Variants in ENTREP2 observed in about 807,000 individuals in gnomAD.
The protein encoded by ENTREP2 is endosomal transmembrane epsin interactor 2.
the ENTREP2 span, chr15:29,124,633 C>T: frequency 1.0e-5 from 15 of 1,474,458 alleles, no homozygotes; most frequent in African/African-American, 4.2e-5. Context: ...CACCAACACC[C>T]GCCCCACCTC....
the ENTREP2 span, among the ~76,000 whole-genome samples, chr15:29,628,343 G>A: frequency 1.3e-5 from 2 of 152,144 alleles, no homozygotes; most frequent in African/African-American, 4.8e-5. Context: ...TACTATTGTT[G>A]TTGAGTTGTA....
the ENTREP2 span, chr15:29,126,628 A>G: frequency 8.6e-6 from 6 of 695,080 alleles, no homozygotes; most frequent in Non-Finnish European, 1.5e-5. Flanking sequence ...AGATTGACAA[A>G]TGCTGCTTTA....
chr15:29,638,310 T>G, the ENTREP2 span, among the ~76,000 whole-genome samples: 2 of 152,164 alleles, frequency 1.3e-5, no homozygotes, highest in South Asian at 4.1e-4. Context: ...TGGTGGGGGT[T>G]TATCCTGAAC....
the ENTREP2 span, among the ~76,000 whole-genome samples, chr15:29,246,998 C>CACAT: frequency 6.6e-6 from 1 of 151,824 alleles, no homozygotes; most frequent in Non-Finnish European, 1.5e-5. Flanking sequence ...CACACACACA[C>CACAT]ACACACACAC....
chr15:29,671,867 C>T, the ENTREP2 span, among the ~76,000 whole-genome samples: 1 of 152,182 alleles, frequency 6.6e-6, no homozygotes. Context: ...GCCACAGTGT[C>T]CCCCAAGGAG....
At chr15:29,472,472 C>CACACACACAT in the ENTREP2 span, among the ~76,000 whole-genome samples, 5 of 120,690 alleles carry the variant, frequency 4.1e-5, no homozygotes, top group Middle Eastern at 3.4e-3. Flanking sequence ...CACACACACA[C>CACACACACAT]ATATAAATTT....
chr15:29,155,585 C>T, the ENTREP2 span, among the ~76,000 whole-genome samples: 5 of 152,214 alleles, frequency 3.3e-5, no homozygotes, highest in Admixed American at 6.5e-5. Context: ...CTCGATGGTG[C>T]TCTGTCCTAA....
At chr15:29,387,589 T>C in the ENTREP2 span, among the ~76,000 whole-genome samples, 1 of 152,174 alleles carries the variant, frequency 6.6e-6, no homozygotes, top group African/African-American at 2.4e-5. Flanking sequence ...AAGCTACCAA[T>C]GACTTTCTTC....
chr15:29,480,464 C>T, the ENTREP2 span, among the ~76,000 whole-genome samples: 359 of 151,554 alleles, frequency 2.4e-3, 1 homozygote, highest in African/African-American at 8.1e-3. Flanking sequence ...GTTCTTTGTT[C>T]CCTGCGTGGA....
the ENTREP2 span, among the ~76,000 whole-genome samples, chr15:29,469,872 A>G: frequency 6.6e-6 from 1 of 152,174 alleles, no homozygotes; most frequent in Non-Finnish European, 1.5e-5. Context: ...GACTCTGATT[A>G]AAGTTGTAAA....
chr15:29,569,088 A>G, the ENTREP2 span, among the ~76,000 whole-genome samples: 1 of 152,172 alleles, frequency 6.6e-6, no homozygotes, highest in South Asian at 2.1e-4. Context: ...AATAATGGTA[A>G]AAACTGAGCA....
the ENTREP2 span, among the ~76,000 whole-genome samples, chr15:29,403,481 T>C: frequency 6.6e-6 from 1 of 152,294 alleles, no homozygotes; most frequent in East Asian, 1.9e-4. Flanking sequence ...TCCATTAAAA[T>C]TGCATTATGT....
At chr15:29,132,514 C>A in the ENTREP2 span, among the ~76,000 whole-genome samples, 1 of 152,120 alleles carries the variant, frequency 6.6e-6, no homozygotes, top group Non-Finnish European at 1.5e-5. Flanking sequence ...AGCTGGGGGT[C>A]TCCGAGCCAA....
At chr15:29,180,242 T>A in the ENTREP2 span, among the ~76,000 whole-genome samples, 1 of 152,192 alleles carries the variant, frequency 6.6e-6, no homozygotes, top group African/African-American at 2.4e-5. Flanking sequence ...CAAAAAGATA[T>A]GTATGACTTA....
At chr15:29,223,655 C>T in the ENTREP2 span, among the ~76,000 whole-genome samples, 2 of 152,152 alleles carry the variant, frequency 1.3e-5, no homozygotes, top group Non-Finnish European at 2.9e-5. Flanking sequence ...ACACTAAAGC[C>T]CTGCTAAACA....
the ENTREP2 span, among the ~76,000 whole-genome samples, chr15:29,517,928 G>GT: frequency 5.3e-5 from 8 of 152,214 alleles, no homozygotes; most frequent in African/African-American, 1.9e-4. Context: ...TAGCTCTGAT[G>GT]TTTTGTACAT....
the ENTREP2 span, among the ~76,000 whole-genome samples, chr15:29,216,925 G>C: frequency 6.6e-6 from 1 of 152,250 alleles, no homozygotes; most frequent in South Asian, 2.1e-4. Context: ...ATTTAAGCCG[G>C]CGGCCAAGAG....
At chr15:29,501,686 G>C in the ENTREP2 span, among the ~76,000 whole-genome samples, 1 of 151,854 alleles carries the variant, frequency 6.6e-6, no homozygotes, top group South Asian at 2.1e-4. Context: ...GAATGCTGTA[G>C]GCAAGAAGAT....
At chr15:29,507,759 G>C in the ENTREP2 span, among the ~76,000 whole-genome samples, 1 of 152,196 alleles carries the variant, frequency 6.6e-6, no homozygotes, top group Non-Finnish European at 1.5e-5. Context: ...GTAGTGTTTA[G>C]AGGGAAATTT....
Sources: allele counts gnomAD v4.1 joint callset (sites outside exome capture counted in the v4.1 genomes callset), GRCh38; gene constraint gnomAD v4.1.1; transcripts MANE v1.5; gene names NCBI Gene and HGNC (gene_info 2026-07-23, HGNC 2026-07-21).